Variants in MYH11 observed in about 807,000 individuals in gnomAD.
MYH11 encodes myosin-11.
MYH11 carries 80 observed loss-of-function variants against 246.6 expected under a neutral mutation model. The ratio of observed to expected loss-of-function variants is 0.32; its 90% CI spans 0.27 to 0.39. The LOEUF is 0.39. MYH11 is among the 10% of genes least tolerant of loss of function. The probability of loss-of-function intolerance (pLI) is 1.00; values close to 1 mark genes in which losing one functional copy is unlikely to be tolerated. For missense variants in MYH11, 2,158 were observed against 2,546.8 expected, an observed-to-expected ratio of 0.85 and a Z score of 3.29; for synonymous variants, 1,071 against 1,015.5, an observed-to-expected ratio of 1.05 and a Z score of -1.04.
At chr16:15,817,744 A>C (rs1363540815) in intron 3 of MYH11, among the ~76,000 whole-genome samples, 2 of 152,020 alleles carry the variant, frequency 1.3e-5, no homozygotes, top group Non-Finnish European at 2.9e-5. Context: ...GCCACAGTAT[A>C]CTAGTCAACC....
intron 3 of MYH11, among the ~76,000 whole-genome samples, chr16:15,811,508 T>C (rs537789381): frequency 2.0e-4 from 30 of 152,060 alleles, no homozygotes; most frequent in Non-Finnish European, 3.8e-4. Context: ...CCACCCACCC[T>C]GTGTGGTGCT....
intron 9 of MYH11, among the ~76,000 whole-genome samples, chr16:15,764,244 T>C (rs2041932494): frequency 6.6e-6 from 1 of 152,206 alleles, no homozygotes; most frequent in Non-Finnish European, 1.5e-5. Context: ...TCGTCTGGCC[T>C]ACAAAGGCTA....
rs1233867074 is a variant in MYH11 at position 15,753,408 on chromosome 16, T to C, written c.1850A>G (p.Asp617Gly). The change falls in exon 15 of 41, where the codon GAC (aspartate) becomes GGC (glycine). Residue 617 changes from aspartate to glycine, a missense_variant. Transcript: ENST00000300036. ...LNASSDKFVA[D>G]LWKDVDRIVG... The stretch of plus-strand genomic sequence containing the variant: ...GAAGGCCTTACCGTCCTTCCACAGG[T>C]CGGCCACAAACTTGTCGGAGGAGGC... 5 of 1,613,874 alleles carry C rather than the reference T, an allele frequency of 3.1e-6. No individual in the cohort carries two copies. Among genetic ancestry groups the C allele is most frequent in the Admixed American group, 3.3e-5 (2 of 59,986 alleles).
chr16:15,740,623 A>T lies in MYH11; in HGVS notation c.2860-435T>A, dbSNP rs191313777. ...GAGACTCTGTCTCAAAAAAAAAAAA[A>T]AAATAAAGACCTGGGTAAGCTGCTC... is the stretch of plus-strand genomic sequence containing the variant. On this transcript the variant is annotated intron_variant, in intron 22 of 40. Transcript: ENST00000300036. 2.9e-3 allele frequency among the ~76,000 whole-genome samples: 437 copies of T among 151,884 alleles called. 3 individuals carry two copies. The highest frequency in any genetic ancestry group is 8.8e-3 in the Admixed American group (135 of 15,264).
intron 36 of MYH11, chr16:15,718,873 A>G: frequency 2.4e-6 from 1 of 413,502 alleles, no homozygotes; most frequent in Non-Finnish European, 4.5e-6. Flanking sequence ...CACACCTGTA[A>G]TCACAGCACT....
chr16:15,725,610 G>A (rs1179201387), intron 28 of MYH11: 1 of 405,186 alleles, frequency 2.5e-6, no homozygotes, highest in Admixed American at 4.1e-5. Flanking sequence ...AGGAGGATAT[G>A]AATGATCTTG....
chr16:15,768,329 G>A (rs562596531), intron 9 of MYH11, among the ~76,000 whole-genome samples: 1 of 152,262 alleles, frequency 6.6e-6, no homozygotes, highest in Non-Finnish European at 1.5e-5. Flanking sequence ...GGCCAGGCAT[G>A]GTGGCGCATG....
chr16:15,794,158 G>A (rs916772388), intron 4 of MYH11, among the ~76,000 whole-genome samples: 38 of 150,402 alleles, frequency 2.5e-4, no homozygotes, highest in African/African-American at 8.8e-4. Context: ...GTGTTAGCCA[G>A]GATGGTCTCG....
chr16:15,789,930 G>A (rs1254742559), intron 4 of MYH11, among the ~76,000 whole-genome samples: 14 of 152,186 alleles, frequency 9.2e-5, no homozygotes, highest in Admixed American at 7.9e-4. Flanking sequence ...CTCCTAGACT[G>A]CTGCTGCTCA....
chr16:15,704,144 CATT>C, intron 40 of MYH11, 21 bp from the exon 41 acceptor site: 2 of 1,613,386 alleles, frequency 1.2e-6, no homozygotes, highest in Non-Finnish European at 1.7e-6. Flanking sequence ...TAAGAAAACA[CATT>C]ATTTAGCAAA....
chr16:15,763,741 T>TGGGGGGGCCCCCCCCCCCC, intron 10 of MYH11, 55 bp downstream of exon 10: 2 of 646,848 alleles, frequency 3.1e-6, no homozygotes, highest in Non-Finnish European at 5.8e-6. Flanking sequence ...AAATGTCACC[T>TGGGGGGGCCCCCCCCCCCC]CCCCCACCCC....
chr16:15,720,393 C>T, intron 33 of MYH11, 81 bp from the exon 34 acceptor site: 2 of 1,528,680 alleles, frequency 1.3e-6, no homozygotes, highest in Non-Finnish European at 1.8e-6. Flanking sequence ...CATCACTGCA[C>T]CCCTTCCCCA....
At chr16:15,811,077 G>A (rs779442564) in intron 3 of MYH11, among the ~76,000 whole-genome samples, 1 of 152,164 alleles carries the variant, frequency 6.6e-6, no homozygotes, top group Non-Finnish European at 1.5e-5. Context: ...ATGAGATCAT[G>A]GGGGTTCAAT....
intron 37 of MYH11, 89 bp from the exon 38 acceptor site, chr16:15,717,437 T>C: frequency 7.4e-7 from 1 of 1,353,814 alleles, no homozygotes; most frequent in Non-Finnish European, 1.0e-6. Flanking sequence ...TTGTTTGGCC[T>C]CTGCACGAGT....
At chr16:15,714,837 A>G (rs2040026768) in intron 40 of MYH11, 72 bp downstream of exon 40, 1 of 1,589,432 alleles carries the variant, frequency 6.3e-7, no homozygotes, top group Non-Finnish European at 8.6e-7. Context: ...TTGCAGGCCG[A>G]AAGGAGCCCG....
chr16:15,759,906 G>C (rs930180319), intron 11 of MYH11, among the ~76,000 whole-genome samples, 178 bp from the exon 12 acceptor site: 4 of 152,148 alleles, frequency 2.6e-5, no homozygotes, highest in African/African-American at 9.7e-5. Flanking sequence ...AGACCAGCCT[G>C]ACCAACAAGG....
intron 12 of MYH11, among the ~76,000 whole-genome samples, chr16:15,758,608 A>G (rs2041791371): frequency 6.6e-6 from 1 of 151,526 alleles, no homozygotes; most frequent in South Asian, 2.1e-4. Context: ...GTTTGAGACT[A>G]GCCTGGCCAA....
intron 34 of MYH11, 100 bp from the exon 35 acceptor site, chr16:15,719,813 G>T (rs1953384902): frequency 1.3e-5 from 20 of 1,530,394 alleles, no homozygotes; most frequent in Non-Finnish European, 1.7e-5. Context: ...ATTTTCTGCA[G>T]TTGACCACAA....
At chr16:15,753,282 C>T in intron 15 of MYH11, 112 bp downstream of exon 15, 1 of 914,234 alleles carries the variant, frequency 1.1e-6, no homozygotes. Context: ...CTTCCTTCCC[C>T]TGCCCCCATG....
Sources: gnomAD v4.1 joint callset for allele counts (sites outside exome capture counted in the v4.1 genomes callset) on GRCh38, gnomAD v4.1.1 for gene constraint, MANE v1.5 for transcripts, NCBI Gene and HGNC (gene_info 2026-07-23, HGNC 2026-07-21) for gene names.